DYM: variants seen among roughly 807,000 people sequenced by gnomAD.
The protein encoded by DYM is dymeclin, also known as dyggve-Melchior-Clausen syndrome protein.
A neutral mutation model predicts 93.1 loss-of-function variants in DYM; 78 were observed. The ratio of observed to expected loss-of-function variants is 0.84; its 90% CI spans 0.70 to 1.01. The LOEUF is 1.01. Ranked by LOEUF, DYM falls within the 50% of genes least tolerant of loss-of-function variation. The probability of loss-of-function intolerance (pLI) is 0.00; values close to 1 mark genes in which losing one functional copy is unlikely to be tolerated. For synonymous variants in DYM, 321 were observed against 319.7 expected (o/e 1.00, Z -0.04); for missense variants, 789 against 845.0 (o/e 0.93, Z 0.82).
At chr18:49,374,062 C>T (rs1192132203) in intron 5 of DYM, among the ~76,000 whole-genome samples, 1 of 152,142 alleles carries the variant, frequency 6.6e-6, no homozygotes, top group Non-Finnish European at 1.5e-5. Flanking sequence ...TCTCTTGAAA[C>T]TCAAACTCAA....
At chr18:49,235,250 G>T (rs899695341) in intron 13 of DYM, among the ~76,000 whole-genome samples, 1 of 152,200 alleles carries the variant, frequency 6.6e-6, no homozygotes, top group African/African-American at 2.4e-5. Context: ...CTCCTTATCA[G>T]TCTCAGAAGG....
chr18:49,360,020 G>A (rs1209877027), intron 6 of DYM: 1 of 152,160 alleles, frequency 6.6e-6, no homozygotes, highest in East Asian at 1.9e-4. Flanking sequence ...TTCAGCAGCT[G>A]GTTAAAGCTG....
At chr18:49,284,512 C>G (rs2095073710) in intron 9 of DYM, among the ~76,000 whole-genome samples, 1 of 151,862 alleles carries the variant, frequency 6.6e-6, no homozygotes, top group Non-Finnish European at 1.5e-5. Flanking sequence ...ATACTGAATA[C>G]CTGCTTTGTT....
chr18:49,382,358 T>C (rs1318907329), intron 3 of DYM, among the ~76,000 whole-genome samples: 2 of 152,230 alleles, frequency 1.3e-5, no homozygotes, highest in East Asian at 3.8e-4. Flanking sequence ...TTAAAAAGTT[T>C]CCATGATACT....
At chr18:49,418,623 T>C (rs1438570848) in intron 2 of DYM, among the ~76,000 whole-genome samples, 1 of 152,208 alleles carries the variant, frequency 6.6e-6, no homozygotes, top group Non-Finnish European at 1.5e-5. Flanking sequence ...GATTTTTGGC[T>C]ACAAAAATGG....
chr18:49,048,095 C>T (rs1436006403), intron 17 of DYM: 1 of 152,234 alleles, frequency 6.6e-6, no homozygotes, highest in African/African-American at 2.4e-5. Flanking sequence ...TCTGGCCACC[C>T]TAATGCTTTA....
Position 49,038,641 on chromosome 18 carries a change from TA to T in DYM, c.*5413del, listed in dbSNP as rs897993167. Among the ~76,000 whole-genome samples, 4 of 152,234 alleles carry T rather than the reference TA, an allele frequency of 2.6e-5. No homozygotes were observed. The highest frequency in any genetic ancestry group is 1.3e-4 in the Admixed American group (2 of 15,288). On this transcript the variant is annotated 3_prime_UTR_variant, in exon 18 of 18. Transcript: ENST00000675505. ...AGCATTAGTCCATTTACATTTAGTG[TA>T]ATAATGGATTTATCACAAATATCTT...
At chr18:49,180,179 T>C (rs2089783925) in intron 14 of DYM, among the ~76,000 whole-genome samples, 1 of 152,154 alleles carries the variant, frequency 6.6e-6, no homozygotes, top group African/African-American at 2.4e-5. Context: ...TAAGCTAGAA[T>C]ATACAAGTCT....
chr18:49,160,546 G>A (rs1163409410), intron 15 of DYM, among the ~76,000 whole-genome samples: 1 of 143,698 alleles, frequency 7.0e-6, no homozygotes, highest in East Asian at 2.0e-4. Context: ...CAGTCTTGGT[G>A]TAGAAAGTAC....
At chr18:49,441,805 G>C (rs2081654199) in intron 1 of DYM, among the ~76,000 whole-genome samples, 1 of 152,060 alleles carries the variant, frequency 6.6e-6, no homozygotes, top group Non-Finnish European at 1.5e-5. Flanking sequence ...GGGCACTGGG[G>C]AAGACGGGGC....
At chr18:49,426,106 T>C (rs959058301) in intron 2 of DYM, among the ~76,000 whole-genome samples, 1 of 152,112 alleles carries the variant, frequency 6.6e-6, no homozygotes, top group African/African-American at 2.4e-5. Flanking sequence ...CATATGTTTA[T>C]TGTGGCACTA....
chr18:49,061,901 G>GA (rs1162605830), intron 17 of DYM, among the ~76,000 whole-genome samples: 1 of 152,214 alleles, frequency 6.6e-6, no homozygotes, highest in Non-Finnish European at 1.5e-5. Context: ...AGAAACAAAA[G>GA]AGCACACAAA....
intron 13 of DYM, among the ~76,000 whole-genome samples, chr18:49,222,805 A>G (rs368913182): frequency 3.9e-4 from 60 of 152,316 alleles, no homozygotes; most frequent in African/African-American, 1.4e-3. Context: ...TCTTCTTTAC[A>G]GAAAAACTCT....
At chr18:49,216,931 A>C (rs2093083932) in intron 13 of DYM, among the ~76,000 whole-genome samples, 1 of 152,228 alleles carries the variant, frequency 6.6e-6, no homozygotes, top group South Asian at 2.1e-4. Context: ...GGAGAGAAGA[A>C]GACTTCAGAC....
At chr18:49,054,335 G>A (rs1419073450) in intron 17 of DYM, among the ~76,000 whole-genome samples, 8 of 152,092 alleles carry the variant, frequency 5.3e-5, no homozygotes, top group African/African-American at 1.7e-4. Flanking sequence ...TCTGCCTCCC[G>A]GGTTTAAGTG....
At chr18:49,243,990 C>A (rs773033867) in intron 13 of DYM, among the ~76,000 whole-genome samples, 9 of 152,202 alleles carry the variant, frequency 5.9e-5, no homozygotes, top group Middle Eastern at 3.4e-3. Flanking sequence ...ATGAAGAAAG[C>A]AGGCACATTT....
chr18:49,453,621 G>GA (rs1297669942), intron 1 of DYM, among the ~76,000 whole-genome samples: 3 of 152,192 alleles, frequency 2.0e-5, no homozygotes, highest in Admixed American at 6.5e-5. Context: ...ATGAGACCAA[G>GA]AACCCACCAA....
At chr18:49,303,526 G>A (rs1276915950) in intron 8 of DYM, among the ~76,000 whole-genome samples, 1 of 152,160 alleles carries the variant, frequency 6.6e-6, no homozygotes, top group African/African-American at 2.4e-5. Context: ...TGGAGAGGAG[G>A]AAGGCATTTC....
At chr18:49,455,567 A>G (rs1353838670) in intron 1 of DYM, among the ~76,000 whole-genome samples, 2 of 152,246 alleles carry the variant, frequency 1.3e-5, no homozygotes, top group Non-Finnish European at 2.9e-5. Context: ...AGGTTGAGTA[A>G]CATGCCAAAG....
Sources: gnomAD v4.1 joint callset for allele counts (sites outside exome capture counted in the v4.1 genomes callset) on GRCh38, gnomAD v4.1.1 for gene constraint, MANE v1.5 for transcripts, NCBI Gene and HGNC (gene_info 2026-07-23, HGNC 2026-07-21) for gene names.